Variants in CELF4 observed in about 807,000 individuals in gnomAD.
CELF4 encodes CUGBP Elav-like family member 4.
In CELF4, 18 loss-of-function variants were observed where a neutral mutation model predicts 59.9. That is an observed-to-expected ratio of 0.30 (90% CI 0.21 to 0.45). The LOEUF is 0.45. Among genes scored for constraint, CELF4 ranks in the 20% least tolerant of loss-of-function variants. The pLI, the probability that CELF4 is intolerant of heterozygous loss-of-function variation, is 1.00. For missense variants in CELF4, 456 were observed against 689.0 expected (o/e 0.66, Z 3.79); for synonymous variants, 261 against 267.1 (o/e 0.98, Z 0.22).
At position 37,254,480 on chromosome 18, in the gene CELF4, C is replaced by CCGGCTGT. The variant is rs1444530077; in HGVS notation, c.1334-549_1334-543dup. 2.0e-5 allele frequency among the ~76,000 whole-genome samples: 3 copies of CCGGCTGT among 151,948 alleles called. No individual in the cohort carries two copies. Among genetic ancestry groups the CCGGCTGT allele is most frequent in the African/African-American group, 7.2e-5 (3 of 41,398 alleles). ...CCGCCCCCCTCGCCACCGCAGGTGC[C>CCGGCTGT]CGGCTGTCGGAGGAGGCCCAGAGGC... On this transcript the variant is annotated intron_variant, in intron 11 of 12. Coordinates refer to ENST00000420428, the MANE Select transcript of CELF4 (RefSeq NM_020180.4). The surrounding 1 kb of genome is among the most constrained non-coding windows in gnomAD (Gnocchi z 5.1).
At chr18:37,406,120 T>C (rs2099387498) in intron 2 of CELF4, among the ~76,000 whole-genome samples, 1 of 152,120 alleles carries the variant, frequency 6.6e-6, no homozygotes, top group Admixed American at 6.5e-5. Flanking sequence ...ATAGGGTGTT[T>C]GGTGCCCTGC....
intron 2 of CELF4, among the ~76,000 whole-genome samples, chr18:37,471,661 G>T (rs896486758): frequency 1.5e-4 from 23 of 152,190 alleles, no homozygotes; most frequent in East Asian, 7.8e-4. Flanking sequence ...CTGGAGTCTC[G>T]ATCCATTGTC....
rs1357817713 is a variant in CELF4 at position 37,417,680 on chromosome 18, G to A, written c.369+67845C>T. The stretch of plus-strand genomic sequence containing the variant: ...CCATCAGGTCAAATAGGAGAGAGAC[G>A]GGGTCAGTAGGACAGTATCCTGCAG... On this transcript the variant is annotated intron_variant, in intron 2 of 12. Coordinates refer to ENST00000420428, the MANE Select transcript of CELF4 (RefSeq NM_020180.4). Among the ~76,000 whole-genome samples the A allele has an allele frequency of 3.9e-5, 6 of 152,294 alleles. No individual in the cohort carries two copies. In the South Asian group the frequency reaches 6.2e-4, roughly 16 times the overall value.
intron 3 of CELF4, among the ~76,000 whole-genome samples, chr18:37,277,973 G>C (rs1049805049): frequency 6.6e-6 from 1 of 152,130 alleles, no homozygotes; most frequent in Non-Finnish European, 1.5e-5. Flanking sequence ...CCTCGCCTTC[G>C]CCTCTCCTGA....
In CELF4 at chr18:37,266,576, G is replaced by C. The variant is rs1486061091; in HGVS notation, c.1122C>G (p.Asp374Glu). ...CTCCGGCGTAGGCCTGCTGCAGGGG[G>C]TCCGCGGCGGTGGGGCTCTGTGCTG... ...PYPAQSPTAA[D>E]PLQQAYAGVQ... Residue 374 changes from aspartate (D) to glutamate (E), a missense_variant, in exon 9 of 13, where the codon GAC (aspartate) becomes GAG (glutamate). By Grantham distance (45) the Asp-to-Glu change is conservative (BLOSUM62 2). Around this residue, in one of 7 missense-constraint regions of CELF4, gnomAD observed 256 missense variants for 340.8 expected, o/e 0.75. Transcript: ENST00000420428. The C allele has an allele frequency of 6.3e-7, 1 of 1,595,370 alleles. No individual in the cohort carries two copies. The highest frequency in any genetic ancestry group is 1.8e-5 in the Admixed American group (1 of 56,506).
At chr18:37,434,751 C>T (rs992421799) in intron 2 of CELF4, among the ~76,000 whole-genome samples, 8 of 152,152 alleles carry the variant, frequency 5.3e-5, no homozygotes, top group Admixed American at 2.0e-4. Flanking sequence ...GCCTGTCCCA[C>T]GGCCCTTTCA....
intron 2 of CELF4, among the ~76,000 whole-genome samples, chr18:37,466,101 C>T (rs904929691): frequency 3.3e-5 from 5 of 152,196 alleles, no homozygotes; most frequent in African/African-American, 7.2e-5. Context: ...CACAAGGGGC[C>T]AGCTAAGTCG....
intron 2 of CELF4, among the ~76,000 whole-genome samples, chr18:37,350,245 T>C (rs2098411490): frequency 6.6e-6 from 1 of 152,156 alleles, no homozygotes; most frequent in Non-Finnish European, 1.5e-5. Context: ...CAGCTTAACA[T>C]ATGACGACCA....
At chr18:37,288,347 C>A (rs895268782) in intron 3 of CELF4, among the ~76,000 whole-genome samples, 9 of 152,212 alleles carry the variant, frequency 5.9e-5, no homozygotes, top group Non-Finnish European at 8.8e-5. Context: ...TGTTGGCCCA[C>A]ATGGTTTATG....
intron 2 of CELF4, among the ~76,000 whole-genome samples, chr18:37,436,388 C>T (rs1254026177): frequency 6.6e-6 from 1 of 152,178 alleles, no homozygotes; most frequent in Non-Finnish European, 1.5e-5. Flanking sequence ...CCTCGCCTTG[C>T]AGTGTCTTAT....
At chr18:37,373,266 C>T (rs1035873214) in intron 2 of CELF4, among the ~76,000 whole-genome samples, 4 of 152,196 alleles carry the variant, frequency 2.6e-5, no homozygotes, top group African/African-American at 9.6e-5. Flanking sequence ...AGGGCATCAG[C>T]AAGCTGGTCT....
In CELF4 at chr18:37,445,643, A is replaced by G. The variant is rs116300739; in HGVS notation, c.369+39882T>C. 7.6e-3 allele frequency among the ~76,000 whole-genome samples: 1,156 copies of G among 152,180 alleles called. 11 individuals are homozygous for G. The highest frequency in any genetic ancestry group is 0.026 in the African/African-American group (1,084 of 41,522). Reference sequence around the variant, plus strand: ...CCCGCAAGGATGGGGTGGCAGATGCAGGGAGGCAGAGGCCCAGGGAGGGGC... The same window carrying G: ...CCCGCAAGGATGGGGTGGCAGATGCGGGGAGGCAGAGGCCCAGGGAGGGGC... On this transcript the variant is annotated intron_variant, in intron 2 of 12. Transcript: ENST00000420428.
At chr18:37,398,886 GA>G (rs1569568753) in intron 2 of CELF4, among the ~76,000 whole-genome samples, 2 of 152,268 alleles carry the variant, frequency 1.3e-5, no homozygotes, top group East Asian at 3.9e-4. Flanking sequence ...GAGTGGCTGA[GA>G]GGATTTACAG....
intron 2 of CELF4, among the ~76,000 whole-genome samples, chr18:37,430,807 C>T (rs2099644708): frequency 6.6e-6 from 1 of 152,230 alleles, no homozygotes; most frequent in African/African-American, 2.4e-5. Flanking sequence ...AGTGCACTCC[C>T]ACCCCAGGGG....
intron 1 of CELF4, among the ~76,000 whole-genome samples, chr18:37,497,423 G>C (rs2099926386): frequency 6.6e-6 from 1 of 152,200 alleles, no homozygotes; most frequent in East Asian, 1.9e-4. Context: ...GGAGGCCAAG[G>C]CGGGCAGATC....
At chr18:37,420,141 C>G (rs898378628) in intron 2 of CELF4, among the ~76,000 whole-genome samples, 1 of 152,164 alleles carries the variant, frequency 6.6e-6, no homozygotes, top group Admixed American at 6.5e-5. Flanking sequence ...AACCTTGACC[C>G]TCAAAATAGA....
chr18:37,297,238 G>A lies in CELF4; in HGVS notation c.449-21995C>T, dbSNP rs80233487. 7.4e-3 allele frequency among the ~76,000 whole-genome samples: 1,131 copies of A among 152,284 alleles called. 21 individuals are homozygous for A. Among genetic ancestry groups the A allele is most frequent in the African/African-American group, 0.026 (1,072 of 41,548 alleles). On this transcript the variant is annotated intron_variant, in intron 3 of 12. Transcript: ENST00000420428. ...TGCTATCAGTGAAATGTAGCAGGTG[G>A]CGAGGGCACCGGGAGGCCACTACCT...
chr18:37,327,061 G>T (rs1045262695), intron 2 of CELF4, among the ~76,000 whole-genome samples: 4 of 152,148 alleles, frequency 2.6e-5, no homozygotes, highest in African/African-American at 9.7e-5. Flanking sequence ...TGGTCGAAAG[G>T]CTTCACCTGT....
intron 2 of CELF4, among the ~76,000 whole-genome samples, chr18:37,407,658 C>T (rs920646112): frequency 3.3e-5 from 5 of 151,828 alleles, no homozygotes; most frequent in Admixed American, 6.6e-5. Context: ...GATGTTCAGG[C>T]ATTAATAACA....
Sources: allele counts gnomAD v4.1 joint callset (sites outside exome capture counted in the v4.1 genomes callset), GRCh38; gene constraint gnomAD v4.1.1; regional missense constraint gnomAD v4.1.1; non-coding constraint Gnocchi (gnomAD v3.1); transcripts MANE v1.5; gene names NCBI Gene and HGNC (gene_info 2026-07-23, HGNC 2026-07-21).